CPE: variants seen among roughly 807,000 people sequenced by gnomAD.
The protein encoded by CPE is carbocypeptidase E.
A neutral mutation model predicts 53.5 loss-of-function variants in CPE; 17 were observed. That is an observed-to-expected ratio of 0.32 (90% CI 0.22 to 0.48). The LOEUF is 0.48. CPE is among the 20% of genes least tolerant of loss of function. CPE has a pLI of 0.99. For synonymous variants in CPE, 226 were observed against 228.8 expected (o/e 0.99, Z 0.11); for missense variants, 524 against 614.7 (o/e 0.85, Z 1.56).
rs1731589738 is a variant in CPE, at chr4:165,440,464, ACACAC to A, written c.308-23925_308-23921del. ...TGCTCTCACAACCCCACCCCCCCCC[ACACAC>A]ACAAGCTGTGGTTTCTGGAACAGTG... On this transcript the variant is annotated intron_variant, in intron 1 of 8. Transcript: ENST00000402744. Among the ~76,000 whole-genome samples the A allele has an allele frequency of 1.7e-4, 17 of 102,840 alleles. 1 individual carries two copies. The highest frequency in any genetic ancestry group is 2.4e-4 in the Non-Finnish European group (13 of 53,600). The allele number at this position is 102,840 out of a possible 152,430, so 67.5% of individuals were successfully genotyped here. A position where few individuals can be genotyped will look rare whatever the true frequency, so the allele number is the denominator to read the frequency against.
In CPE at chr4:165,379,571, G is replaced by A. The variant is rs780852905; in HGVS notation, c.307+43G>A. 8 of 1,449,238 alleles carry A rather than the reference G, an allele frequency of 5.5e-6. No individual in the cohort carries two copies. The Admixed American group carries it at 1.1e-4, about 21-fold the overall frequency. The allele number at this position is 1,449,238 out of a possible 1,614,324, so 89.8% of individuals were successfully genotyped here. A position where few individuals can be genotyped will look rare whatever the true frequency, so the allele number is the denominator to read the frequency against. ...TGACAGCCCTGGGGGCATCCCGGAG[G>A]GGGGCGGCAGAGGGTGGGACTGGTG... On this transcript the variant is annotated intron_variant, in intron 1 of 8. Transcript: ENST00000402744. The surrounding 1 kb of genome is among the most constrained non-coding windows in gnomAD (Gnocchi z 6.0).
At chr4:165,464,176 GT>G (rs1339893152) in intron 1 of CPE, among the ~76,000 whole-genome samples, 1 of 152,130 alleles carries the variant, frequency 6.6e-6, no homozygotes, top group African/African-American at 2.4e-5. Context: ...CTAATTTTGG[GT>G]GAATACAGTT....
At chr4:165,414,471 G>A (rs965109567) in intron 1 of CPE, among the ~76,000 whole-genome samples, 2 of 152,038 alleles carry the variant, frequency 1.3e-5, no homozygotes, top group African/African-American at 4.8e-5. Flanking sequence ...GTGTAGTTTC[G>A]AATGTAAGAA....
At chr4:165,390,379 G>A (rs546210854) in intron 1 of CPE, among the ~76,000 whole-genome samples, 1 of 152,252 alleles carries the variant, frequency 6.6e-6, no homozygotes, top group Admixed American at 6.5e-5. Flanking sequence ...CATACAATGG[G>A]TCAGACTCAG....
At chr4:165,462,327 CTTT>C (rs1327014278) in intron 1 of CPE, among the ~76,000 whole-genome samples, 2 of 152,180 alleles carry the variant, frequency 1.3e-5, no homozygotes, top group South Asian at 2.1e-4. Context: ...GTTGTTTCTT[CTTT>C]AATTGATTAA....
chr4:165,400,204 C>T (rs1230758062), intron 1 of CPE, among the ~76,000 whole-genome samples: 2 of 152,058 alleles, frequency 1.3e-5, no homozygotes, highest in Non-Finnish European at 2.9e-5. Flanking sequence ...ATATGGCCAG[C>T]AGTTTGAAAT....
rs571915638 is a variant in CPE at position 165,387,762 on chromosome 4, C to T, written c.307+8234C>T. Among the ~76,000 whole-genome samples the T allele has an allele frequency of 1.2e-3, 182 of 152,212 alleles. 1 individual carries two copies. The highest frequency in any genetic ancestry group is 1.8e-3 in the African/African-American group (75 of 41,550). On this transcript the variant is annotated intron_variant, in intron 1 of 8. Coordinates refer to ENST00000402744, the MANE Select transcript of CPE (RefSeq NM_001873.4). ...AGGCGGAGGTTGTGGTGAGCGAGAT[C>T]GCACCACTGCACTCCAGCCTGGGCG...
intron 6 of CPE, 34 bp downstream of exon 6, chr4:165,487,611 T>A (rs1732529304): frequency 6.2e-7 from 1 of 1,612,500 alleles, no homozygotes. Flanking sequence ...AATGCAAGGT[T>A]TACAAGCATT....
At chr4:165,489,210 TG>T (rs1262945941) in intron 6 of CPE, among the ~76,000 whole-genome samples, 1 of 152,206 alleles carries the variant, frequency 6.6e-6, no homozygotes, top group Non-Finnish European at 1.5e-5. Context: ...GGAAGTAAGA[TG>T]GGACTGATTG....
intron 1 of CPE, among the ~76,000 whole-genome samples, chr4:165,421,043 A>G (rs1353186842): frequency 6.6e-6 from 1 of 152,188 alleles, no homozygotes; most frequent in Non-Finnish European, 1.5e-5. Flanking sequence ...TAATTTCATT[A>G]TGATCTACAT....
At chr4:165,386,071 A>G (rs976451920) in intron 1 of CPE, among the ~76,000 whole-genome samples, 1 of 152,184 alleles carries the variant, frequency 6.6e-6, no homozygotes, top group Admixed American at 6.5e-5. Context: ...TCTTATTTTT[A>G]GCTGAGTGTC....
intron 6 of CPE, among the ~76,000 whole-genome samples, chr4:165,491,807 C>G (rs1461246733): frequency 6.6e-6 from 1 of 151,908 alleles, no homozygotes; most frequent in Non-Finnish European, 1.5e-5. Flanking sequence ...AACAGTGTAC[C>G]ACTGCCGAAT....
chr4:165,386,428 A>C, intron 1 of CPE: 1 of 396,026 alleles, frequency 2.5e-6, no homozygotes, highest in South Asian at 1.9e-5. Flanking sequence ...TCAAATAGGC[A>C]AAAATGCATA....
chr4:165,489,990 C>G (rs1732572897), intron 6 of CPE, among the ~76,000 whole-genome samples: 1 of 152,154 alleles, frequency 6.6e-6, no homozygotes, highest in African/African-American at 2.4e-5. Flanking sequence ...TAGCTTGCAT[C>G]ATAGAACACT....
chr4:165,406,204 C>T (rs1730951337), intron 1 of CPE: 5 of 675,724 alleles, frequency 7.4e-6, no homozygotes, highest in South Asian at 1.4e-5. Flanking sequence ...ATAACTATCA[C>T]ATCCCCTTTG....
chr4:165,453,907 G>T (rs567266748), intron 1 of CPE, among the ~76,000 whole-genome samples: 71 of 152,220 alleles, frequency 4.7e-4, no homozygotes, highest in African/African-American at 1.6e-3. Flanking sequence ...TAATGTCAGA[G>T]TTTCAATATT....
At chr4:165,391,179 G>T (rs1212762271) in intron 1 of CPE, among the ~76,000 whole-genome samples, 1 of 152,118 alleles carries the variant, frequency 6.6e-6, no homozygotes, top group Admixed American at 6.6e-5. Context: ...TAACATTGAA[G>T]CTGAACTCAT....
chr4:165,440,449 ACCCC>A (rs1560882846), intron 1 of CPE, among the ~76,000 whole-genome samples: 26 of 132,826 alleles, frequency 2.0e-4, no homozygotes, highest in Non-Finnish European at 3.2e-4. Flanking sequence ...TGCTCTCACA[ACCCC>A]ACCCCCCCCC....
chr4:165,452,879 C>T (rs1197842985), intron 1 of CPE, among the ~76,000 whole-genome samples: 1 of 152,208 alleles, frequency 6.6e-6, no homozygotes, highest in Non-Finnish European at 1.5e-5. Flanking sequence ...CTCAAACCTT[C>T]TGAAGGATGA....
Sources: allele counts gnomAD v4.1 joint callset (sites outside exome capture counted in the v4.1 genomes callset), GRCh38; gene constraint gnomAD v4.1.1; non-coding constraint Gnocchi (gnomAD v3.1); transcripts MANE v1.5; gene names NCBI Gene and HGNC (gene_info 2026-07-23, HGNC 2026-07-21).